Variants in CCDC148 observed in about 807,000 individuals in gnomAD.
CCDC148 encodes the protein coiled-coil domain-containing protein 148.
In CCDC148, 89 loss-of-function variants were observed where a neutral mutation model predicts 85.7. That is an observed-to-expected ratio of 1.04 (90% CI 0.87 to 1.24). CCDC148 has a LOEUF of 1.24. Among genes scored for constraint, CCDC148 ranks in the 50% most tolerant of loss-of-function variants. The pLI is 0.00. For synonymous variants in CCDC148, 230 were observed against 213.9 expected, an observed-to-expected ratio of 1.08 and a Z score of -0.66; for missense variants, 692 against 671.7, an observed-to-expected ratio of 1.03 and a Z score of -0.33.
rs1692334412 is a variant in CCDC148 at position 158,317,478 on chromosome 2, G to A, written c.765-3584C>T. On this transcript the variant is annotated intron_variant, in intron 7 of 13. Coordinates refer to ENST00000283233, the MANE Select transcript of CCDC148 (RefSeq NM_138803.4). Reference sequence around the variant, plus strand: ...GATATCATTTTATTATGATTTCTCAGGAAGTGAGACAAAACAGATAATTCA... The same window carrying A: ...GATATCATTTTATTATGATTTCTCAAGAAGTGAGACAAAACAGATAATTCA... Among the ~76,000 whole-genome samples, 6 of 152,108 alleles carry A rather than the reference G, an allele frequency of 3.9e-5. No homozygotes were observed. In the South Asian group the frequency reaches 1.0e-3, roughly 26 times the overall value.
intron 11 of CCDC148, among the ~76,000 whole-genome samples, chr2:158,180,787 G>C (rs1684861078): frequency 6.6e-6 from 1 of 152,142 alleles, no homozygotes; most frequent in South Asian, 2.1e-4. Flanking sequence ...AGACACAGGA[G>C]AGGAAAGGAG....
At chr2:158,456,347 A>G (rs369946369) in intron 1 of CCDC148, 68 bp downstream of exon 1, 92 of 1,521,822 alleles carry the variant, frequency 6.0e-5, no homozygotes, top group Non-Finnish European at 7.6e-5. Flanking sequence ...AACAAACATA[A>G]GTAGGATTTA....
intron 1 of CCDC148, 45 bp from the exon 2 acceptor site, chr2:158,358,615 GT>G: frequency 7.4e-7 from 1 of 1,358,188 alleles, no homozygotes; most frequent in South Asian, 1.5e-5. Context: ...AGAATATCAT[GT>G]TATTGGAAGT....
rs370975069 is a variant in CCDC148, at chr2:158,192,873, A to G, written c.1371-13877T>C. ...CCATGGTCTAAATAGAAAAAAAAAA[A>G]AGGCTATTTTATTTTCTCTAAAAGC... On this transcript the variant is annotated intron_variant, in intron 11 of 13. Transcript: ENST00000283233. 3.4e-3 allele frequency among the ~76,000 whole-genome samples: 512 copies of G among 151,396 alleles called. 2 individuals carry two copies. The highest frequency in any genetic ancestry group is 0.012 in the African/African-American group (478 of 40,780).
At chr2:158,297,059 A>G (rs140095428) in intron 9 of CCDC148, among the ~76,000 whole-genome samples, 7 of 152,312 alleles carry the variant, frequency 4.6e-5, no homozygotes, top group African/African-American at 1.7e-4. Context: ...CAAGAAATTC[A>G]TCACTAGCAC....
At chr2:158,241,471 T>C (rs1688347932) in intron 10 of CCDC148, among the ~76,000 whole-genome samples, 1 of 152,040 alleles carries the variant, frequency 6.6e-6, no homozygotes, top group Non-Finnish European at 1.5e-5. Context: ...TAAACAGAGA[T>C]GAGAAAGGGG....
intron 11 of CCDC148, among the ~76,000 whole-genome samples, chr2:158,215,154 C>T (rs1363161733): frequency 6.6e-6 from 1 of 152,066 alleles, no homozygotes; most frequent in Non-Finnish European, 1.5e-5. Context: ...ACAAAGGTGG[C>T]ATTTTAAATC....
intron 1 of CCDC148, among the ~76,000 whole-genome samples, chr2:158,395,062 A>T (rs139105282): frequency 0.027 from 4,144 of 152,254 alleles, 74 homozygotes; most frequent in Middle Eastern, 0.092. Context: ...TAATAGTTTT[A>T]TTTTAGAAAC....
intron 10 of CCDC148, among the ~76,000 whole-genome samples, chr2:158,222,971 C>T (rs1687270334): frequency 6.6e-6 from 1 of 152,052 alleles, no homozygotes; most frequent in African/African-American, 2.4e-5. Flanking sequence ...AAAGTGGGTG[C>T]AGGACAGTGG....
chr2:158,278,935 C>T (rs951134613), intron 9 of CCDC148, among the ~76,000 whole-genome samples: 1 of 152,214 alleles, frequency 6.6e-6, no homozygotes. Flanking sequence ...ACAAAACTTC[C>T]AGAGGAACGA....
intron 1 of CCDC148, among the ~76,000 whole-genome samples, chr2:158,413,590 T>G: frequency 8.4e-6 from 1 of 119,716 alleles, no homozygotes; most frequent in East Asian, 2.6e-4. Context: ...TCTAGAACAT[T>G]TTTTTCTCTT....
intron 7 of CCDC148, among the ~76,000 whole-genome samples, chr2:158,331,585 C>T (rs1693125293): frequency 2.0e-5 from 3 of 147,210 alleles, no homozygotes; most frequent in Admixed American, 2.0e-4. Context: ...TCTCCTTGAT[C>T]TGTCTAATGT....
At chr2:158,423,518 G>A (rs1686911730) in intron 1 of CCDC148, among the ~76,000 whole-genome samples, 1 of 152,174 alleles carries the variant, frequency 6.6e-6, no homozygotes, top group Non-Finnish European at 1.5e-5. Flanking sequence ...GCCATATGTA[G>A]AAAGCTGAAA....
intron 1 of CCDC148, among the ~76,000 whole-genome samples, chr2:158,387,995 G>T (rs1685160053): frequency 6.6e-6 from 1 of 152,138 alleles, no homozygotes; most frequent in Non-Finnish European, 1.5e-5. Context: ...GCACTGTTCT[G>T]CTCCTTATAA....
chr2:158,323,926 T>C (rs1692638633), intron 7 of CCDC148, among the ~76,000 whole-genome samples: 2 of 139,404 alleles, frequency 1.4e-5, no homozygotes. Context: ...TAACTTTTTT[T>C]TTTTTTTTTT....
At chr2:158,304,137 G>C (rs1691574488) in intron 9 of CCDC148, among the ~76,000 whole-genome samples, 1 of 152,098 alleles carries the variant, frequency 6.6e-6, no homozygotes. Flanking sequence ...CAAAATCAGT[G>C]CCTGGTTCCA....
chr2:158,333,903 A>G (rs1048393582), intron 7 of CCDC148, among the ~76,000 whole-genome samples: 12 of 152,084 alleles, frequency 7.9e-5, no homozygotes, highest in African/African-American at 2.9e-4. Flanking sequence ...TGATCTGCCT[A>G]TCTGGGTCTT....
intron 8 of CCDC148, among the ~76,000 whole-genome samples, chr2:158,312,419 T>C (rs886123519): frequency 6.6e-6 from 1 of 151,676 alleles, no homozygotes; most frequent in Admixed American, 6.6e-5. Flanking sequence ...CCGACTCTAC[T>C]GAAAATACAA....
At chr2:158,282,079 G>A (rs199936278) in intron 9 of CCDC148, among the ~76,000 whole-genome samples, 1 of 150,218 alleles carries the variant, frequency 6.7e-6, no homozygotes, top group Non-Finnish European at 1.5e-5. Flanking sequence ...ATTCAACAAC[G>A]CTTCATGCTA....
Sources: allele counts gnomAD v4.1 joint callset (sites outside exome capture counted in the v4.1 genomes callset), GRCh38; gene constraint gnomAD v4.1.1; transcripts MANE v1.5; gene names NCBI Gene and HGNC (gene_info 2026-07-23, HGNC 2026-07-21).